RBFOX1: variants seen among roughly 807,000 people sequenced by gnomAD.
RBFOX1 encodes RNA binding fox-1 homolog 1, also known as RNA binding protein fox-1 homolog 1.
RBFOX1 carries 8 observed loss-of-function variants against 57.7 expected under a neutral mutation model. That is an observed-to-expected ratio of 0.14 (90% CI 0.08 to 0.25). The LOEUF is 0.25. Ranked by LOEUF, RBFOX1 falls within the 10% of genes least tolerant of loss-of-function variation. The pLI, the probability that RBFOX1 is intolerant of heterozygous loss-of-function variation, is 1.00. For synonymous variants in RBFOX1, 326 were observed against 222.4 expected (o/e 1.47, Z -4.15); for missense variants, 611 against 548.5 (o/e 1.11, Z -1.14).
intron 3 of RBFOX1, among the ~76,000 whole-genome samples, chr16:6,814,001 C>G (rs888053217): frequency 1.3e-5 from 2 of 151,426 alleles, no homozygotes; most frequent in Admixed American, 6.6e-5. Flanking sequence ...TATCTGAGGA[C>G]CGGTTCAGTG....
intron 3 of RBFOX1, among the ~76,000 whole-genome samples, chr16:5,636,504 G>A (rs1567328736): frequency 6.6e-6 from 1 of 152,080 alleles, no homozygotes; most frequent in African/African-American, 2.4e-5. Flanking sequence ...AGGCATTAAC[G>A]TTTTATTGGC....
chr16:7,242,057 C>T (rs2094093126), intron 4 of RBFOX1, among the ~76,000 whole-genome samples: 2 of 152,074 alleles, frequency 1.3e-5, no homozygotes, highest in East Asian at 1.9e-4. Flanking sequence ...TTACCATAGG[C>T]ACCTCAGTGA....
chr16:7,405,517 G>A (rs568662584), intron 4 of RBFOX1, among the ~76,000 whole-genome samples: 2 of 152,218 alleles, frequency 1.3e-5, no homozygotes, highest in African/African-American at 4.8e-5. Flanking sequence ...TATGCTGACC[G>A]GAGCAACCCT....
intron 1 of RBFOX1, among the ~76,000 whole-genome samples, chr16:5,443,498 C>T (rs1468569110): frequency 6.6e-6 from 1 of 152,116 alleles, no homozygotes; most frequent in Non-Finnish European, 1.5e-5. Context: ...CCACCACGCC[C>T]AGCTAATATT....
At chr16:7,171,204 C>G (rs961731605) in intron 4 of RBFOX1, among the ~76,000 whole-genome samples, 1 of 152,208 alleles carries the variant, frequency 6.6e-6, no homozygotes, top group Non-Finnish European at 1.5e-5. Context: ...GCACCCAGTA[C>G]TAACTCCCAG....
intron 4 of RBFOX1, among the ~76,000 whole-genome samples, chr16:7,462,576 A>T (rs542354471): frequency 6.6e-6 from 1 of 152,340 alleles, no homozygotes; most frequent in East Asian, 1.9e-4. Flanking sequence ...GCATGACTCA[A>T]CTGGGTCCTC....
intron 3 of RBFOX1, among the ~76,000 whole-genome samples, chr16:7,043,529 G>C (rs1168022483): frequency 2.0e-5 from 3 of 152,158 alleles, no homozygotes; most frequent in Non-Finnish European, 4.4e-5. Flanking sequence ...TCTTGTTTCA[G>C]AAGAGTTTAT....
chr16:5,689,540 C>G (rs372143023), intron 3 of RBFOX1, among the ~76,000 whole-genome samples: 2 of 152,118 alleles, frequency 1.3e-5, no homozygotes, highest in East Asian at 1.9e-4. Flanking sequence ...AATAGGAGGT[C>G]TTATGTGGCA....
chr16:6,608,645 C>T (rs560494724), intron 2 of RBFOX1, among the ~76,000 whole-genome samples: 49 of 152,116 alleles, frequency 3.2e-4, no homozygotes, highest in Admixed American at 1.3e-3. Flanking sequence ...CTAGTCATGG[C>T]GGCACATGCC....
chr16:6,109,611 C>G (rs1028513008), intron 1 of RBFOX1, among the ~76,000 whole-genome samples: 3 of 152,042 alleles, frequency 2.0e-5, no homozygotes, highest in African/African-American at 7.2e-5. Context: ...TTTGCAGTCA[C>G]GATTGCCTGG....
chr16:5,591,374 C>T (rs966077941), intron 2 of RBFOX1, among the ~76,000 whole-genome samples: 12 of 151,898 alleles, frequency 7.9e-5, no homozygotes, highest in African/African-American at 2.7e-4. Flanking sequence ...GCCTCAGCCT[C>T]CCTAGTAGCT....
intron 3 of RBFOX1, among the ~76,000 whole-genome samples, chr16:5,779,057 C>T (rs1052490419): frequency 6.6e-6 from 1 of 152,150 alleles, no homozygotes. Flanking sequence ...AAAAATCTAG[C>T]CTCCAAGTTA....
At chr16:5,743,640 A>G (rs2052863852) in intron 3 of RBFOX1, among the ~76,000 whole-genome samples, 1 of 152,188 alleles carries the variant, frequency 6.6e-6, no homozygotes, top group African/African-American at 2.4e-5. Flanking sequence ...AAAAAATCAC[A>G]CATGATTTTC....
rs959638826 is a variant in RBFOX1, at chr16:7,709,699, G to A, written c.1071+568G>A. 52 of 1,166,972 alleles carry A rather than the reference G, an allele frequency of 4.5e-5. No individual in the cohort carries two copies. The African/African-American group carries it at 7.5e-4, about 17-fold the overall frequency. The allele number at this position is 1,166,972 out of a possible 1,614,324, so 72.3% of individuals were successfully genotyped here. ...ATAAGAAAGTAGAAGGAATCAGCTGGGTTTGGGGGTTGCCTTTTGTTTTGG... is the reference window on the plus strand; with the variant it reads ...ATAAGAAAGTAGAAGGAATCAGCTGAGTTTGGGGGTTGCCTTTTGTTTTGG... On this transcript the variant is annotated intron_variant, in intron 15 of 15. Transcript: ENST00000550418.
intron 3 of RBFOX1, among the ~76,000 whole-genome samples, chr16:5,820,493 G>T (rs902099457): frequency 6.6e-6 from 1 of 152,102 alleles, no homozygotes; most frequent in African/African-American, 2.4e-5. Context: ...CTGCCCGCAC[G>T]TTTCTAGCCA....
intron 3 of RBFOX1, among the ~76,000 whole-genome samples, chr16:7,010,591 C>A (rs1056885809): frequency 7.2e-5 from 11 of 151,854 alleles, no homozygotes; most frequent in Admixed American, 7.2e-4. Context: ...TCTCTGTCAC[C>A]CAGGCTAGAG....
intron 1 of RBFOX1, among the ~76,000 whole-genome samples, chr16:6,147,074 C>T (rs571473787): frequency 2.6e-5 from 4 of 152,134 alleles, no homozygotes; most frequent in Non-Finnish European, 4.4e-5. Flanking sequence ...GAGACTCAGG[C>T]CCCAGCTTCC....
chr16:5,903,848 A>G (rs2058372795), intron 4 of RBFOX1, among the ~76,000 whole-genome samples: 1 of 152,162 alleles, frequency 6.6e-6, no homozygotes, highest in African/African-American at 2.4e-5. Flanking sequence ...ACCATAGGAA[A>G]GCAGATGCGG....
chr16:6,569,106 G>A (rs148194141), intron 2 of RBFOX1, among the ~76,000 whole-genome samples: 1 of 152,176 alleles, frequency 6.6e-6, no homozygotes, highest in Non-Finnish European at 1.5e-5. Context: ...CAGCAGCCCA[G>A]CTTTGAATAC....
Sources: gnomAD v4.1 joint callset for allele counts (sites outside exome capture counted in the v4.1 genomes callset) on GRCh38, gnomAD v4.1.1 for gene constraint, MANE v1.5 for transcripts, NCBI Gene and HGNC (gene_info 2026-07-23, HGNC 2026-07-21) for gene names.